Variants in FBXL2 observed in about 807,000 individuals in gnomAD.
The protein encoded by FBXL2 is F-box/LRR-repeat protein 2.
FBXL2 carries 38 observed loss-of-function variants against 69.2 expected under a neutral mutation model. The observed-to-expected ratio is 0.55, with a 90% CI of 0.42 to 0.72. The LOEUF is 0.72. Among genes scored for constraint, FBXL2 ranks in the 30% least tolerant of loss-of-function variants. FBXL2 has a pLI of 0.00. For synonymous variants in FBXL2, 192 were observed against 201.3 expected, an observed-to-expected ratio of 0.95 and a Z score of 0.39; for missense variants, 354 against 520.3, an observed-to-expected ratio of 0.68 and a Z score of 3.11.
chr3:33,303,288 G>T (rs2036446397), intron 2 of FBXL2: 1 of 421,454 alleles, frequency 2.4e-6, no homozygotes, highest in East Asian at 7.0e-5. Flanking sequence ...TGACTTGTGT[G>T]TGGCAGTGTG....
At chr3:33,321,734 T>C (rs746967680) in intron 2 of FBXL2, among the ~76,000 whole-genome samples, 1 of 152,222 alleles carries the variant, frequency 6.6e-6, no homozygotes, top group Non-Finnish European at 1.5e-5. Context: ...GCTCCTAGGC[T>C]ACACACCTGT....
At chr3:33,401,342 A>T (rs1404283216) in intron 12 of FBXL2, among the ~76,000 whole-genome samples, 2 of 152,240 alleles carry the variant, frequency 1.3e-5, no homozygotes, top group Non-Finnish European at 2.9e-5. Context: ...AATTTTTAAA[A>T]GTTAGGGGAA....
chr3:33,364,941 C>T (rs1223555808), intron 5 of FBXL2, among the ~76,000 whole-genome samples: 1 of 152,088 alleles, frequency 6.6e-6, no homozygotes, highest in Non-Finnish European at 1.5e-5. Flanking sequence ...TTCCCCCGGC[C>T]GAGTGTCAGT....
chr3:33,372,260 AGATCTCT>A (rs2042346120), intron 5 of FBXL2: 1 of 152,224 alleles, frequency 6.6e-6, no homozygotes, highest in South Asian at 2.1e-4. Context: ...CACCCTCCAC[AGATCTCT>A]GGAGTTCTCT....
intron 1 of FBXL2, among the ~76,000 whole-genome samples, chr3:33,286,684 G>A (rs1432329953): frequency 2.6e-5 from 4 of 152,216 alleles, no homozygotes; most frequent in African/African-American, 4.8e-5. Context: ...AGTGGGCTCC[G>A]CCCAGTTCGA....
intron 1 of FBXL2, among the ~76,000 whole-genome samples, chr3:33,283,791 C>A (rs970774881): frequency 1.3e-5 from 2 of 152,226 alleles, no homozygotes; most frequent in Admixed American, 1.3e-4. Context: ...GTATATGTGT[C>A]CAGGAATTTA....
chr3:33,369,825 C>G (rs2042177852), intron 5 of FBXL2, among the ~76,000 whole-genome samples: 1 of 152,026 alleles, frequency 6.6e-6, no homozygotes, highest in Non-Finnish European at 1.5e-5. Context: ...GTTGGCCAGG[C>G]TGGTCTCAAA....
chr3:33,333,952 T>C (rs2039366758), intron 2 of FBXL2, among the ~76,000 whole-genome samples: 1 of 151,872 alleles, frequency 6.6e-6, no homozygotes, highest in Non-Finnish European at 1.5e-5. Context: ...GGCTCAAGGG[T>C]TTGGGTATTG....
intron 1 of FBXL2, among the ~76,000 whole-genome samples, chr3:33,282,601 G>T (rs536247205): frequency 2.6e-5 from 4 of 152,196 alleles, no homozygotes; most frequent in African/African-American, 9.7e-5. Flanking sequence ...TTGGTAGCTT[G>T]ATGGGGATGG....
intron 3 of FBXL2, 106 bp downstream of exon 3, chr3:33,359,127 TATAAC>T (rs2041427606): frequency 4.5e-6 from 4 of 893,512 alleles, no homozygotes; most frequent in Non-Finnish European, 6.6e-6. Context: ...TTATACTTAA[TATAAC>T]ATAATGGTAT....
intron 2 of FBXL2, among the ~76,000 whole-genome samples, chr3:33,320,772 C>T (rs1269084316): frequency 6.6e-6 from 1 of 151,994 alleles, no homozygotes; most frequent in Non-Finnish European, 1.5e-5. Context: ...AGCCACCACA[C>T]CTAGCCAGGA....
In FBXL2 at chr3:33,384,217, G is replaced by A. The variant is rs756474629; in HGVS notation, c.1164+16G>A. 7 of 1,611,412 alleles carry A rather than the reference G, an allele frequency of 4.3e-6. No homozygotes were observed. The East Asian group carries it at 1.6e-4, about 36-fold the overall frequency. On this transcript the variant is annotated intron_variant, in intron 14 of 14. Transcript: ENST00000484457. ...GCGGATGCGGGTAGGTATGGGGCAG[G>A]GGAGTCAGTCACACCTGACATTTCT...
At chr3:33,304,649 A>C (rs1032100263) in intron 2 of FBXL2, among the ~76,000 whole-genome samples, 3 of 152,046 alleles carry the variant, frequency 2.0e-5, no homozygotes, top group African/African-American at 7.2e-5. Context: ...CAAGTACACA[A>C]TTTTCTCTGA....
downstream of FBXL2, chr3:33,388,129 G>GT (rs2043586387): frequency 2.2e-5 from 3 of 137,400 alleles, no homozygotes; most frequent in African/African-American, 9.5e-5. Flanking sequence ...GAATAGTTTA[G>GT]TTAGTTAGTT....
chr3:33,395,768 A>AAAAAG (rs2043961951), intron 12 of FBXL2, among the ~76,000 whole-genome samples: 1 of 150,100 alleles, frequency 6.7e-6, no homozygotes. Flanking sequence ...AAAAAAAAAA[A>AAAAAG]AAAAAGAAAA....
At chr3:33,289,880 A>C (rs1204100411) in intron 1 of FBXL2, 1 of 746,614 alleles carries the variant, frequency 1.3e-6, no homozygotes, top group African/African-American at 1.9e-5. Flanking sequence ...TATGAAATCT[A>C]AGCCTGGGCG....
chr3:33,396,694 C>A, intron 12 of FBXL2: 1 of 457,248 alleles, frequency 2.2e-6, no homozygotes, highest in East Asian at 5.4e-5. Context: ...TTTTTAATAA[C>A]TGTTTAGTAA....
At chr3:33,412,786 G>A in the FBXL2 span, 256 of 1,613,940 alleles carry the variant, frequency 1.6e-4, no homozygotes, top group Non-Finnish European at 2.1e-4. Context: ...GATGCTCTGT[G>A]TATTGTAGCC....
intron 1 of FBXL2, among the ~76,000 whole-genome samples, chr3:33,284,724 G>A (rs913747952): frequency 2.6e-5 from 4 of 152,150 alleles, no homozygotes; most frequent in Non-Finnish European, 5.9e-5. Flanking sequence ...ATGAATCTGG[G>A]TGCTCCTGTA....
Sources: gnomAD v4.1 joint callset for allele counts (sites outside exome capture counted in the v4.1 genomes callset) on GRCh38, gnomAD v4.1.1 for gene constraint, MANE v1.5 for transcripts, NCBI Gene and HGNC (gene_info 2026-07-23, HGNC 2026-07-21) for gene names.